The following DNM2 variants were observed in gnomAD, a reference collection of about 807,000 sequenced individuals.
DNM2 encodes the protein dynamin-2.
DNM2 carries 15 observed loss-of-function variants against 99.0 expected under a neutral mutation model. The observed-to-expected ratio is 0.15, with a 90% CI of 0.10 to 0.23. The LOEUF is 0.23. Among genes scored for constraint, DNM2 ranks in the 10% least tolerant of loss-of-function variants. The pLI, the probability that DNM2 is intolerant of heterozygous loss-of-function variation, is 1.00. For missense variants in DNM2, 742 were observed against 1,189.4 expected (o/e 0.62, Z 5.53); for synonymous variants, 525 against 481.2 (o/e 1.09, Z -1.19).
chr19:10,762,269 C>G (rs1192906278), intron 2 of DNM2, among the ~76,000 whole-genome samples: 1 of 152,082 alleles, frequency 6.6e-6, no homozygotes, highest in East Asian at 1.9e-4. Context: ...AACTCCTGAG[C>G]TCAAATGATC....
At chr19:10,718,822 C>A (rs1355054138) in intron 1 of DNM2, among the ~76,000 whole-genome samples, 1 of 152,112 alleles carries the variant, frequency 6.6e-6, no homozygotes, top group Non-Finnish European at 1.5e-5. Context: ...CTGGCTTGTT[C>A]TTGTATCTGG....
intron 11 of DNM2, among the ~76,000 whole-genome samples, chr19:10,800,221 G>C (rs1437426183): frequency 6.6e-6 from 1 of 152,150 alleles, no homozygotes; most frequent in Non-Finnish European, 1.5e-5. Context: ...GTTGAAACCA[G>C]AGCTTAATTA....
chr19:10,777,350 C>A (rs2145930109), intron 5 of DNM2, 134 bp downstream of exon 5: 1 of 841,848 alleles, frequency 1.2e-6, no homozygotes, highest in South Asian at 1.5e-5. Context: ...CTTTCTTTTC[C>A]CTTTGAGCTA....
intron 2 of DNM2, among the ~76,000 whole-genome samples, chr19:10,762,654 G>A (rs2070673070): frequency 1.3e-5 from 2 of 152,218 alleles, no homozygotes; most frequent in South Asian, 4.2e-4. Flanking sequence ...ATGGGTTCCT[G>A]ATGTCTGTCC....
chr19:10,757,635 G>T (rs945773527), intron 1 of DNM2, among the ~76,000 whole-genome samples: 3 of 152,086 alleles, frequency 2.0e-5, no homozygotes, highest in African/African-American at 4.8e-5. Context: ...ACATCTAGGT[G>T]CAAAACCTGT....
At chr19:10,748,457 C>A (rs1412620406) in intron 1 of DNM2, among the ~76,000 whole-genome samples, 2 of 152,154 alleles carry the variant, frequency 1.3e-5, no homozygotes, top group Non-Finnish European at 1.5e-5. Context: ...GATGCAGTGG[C>A]ACCTACCTGC....
In DNM2 at chr19:10,796,048, T is replaced by G; in HGVS notation, c.1196+609T>G. 6.2e-7 allele frequency: 1 copy of G among 1,613,192 alleles called. No individual in the cohort carries two copies. The highest frequency in any genetic ancestry group is 8.5e-7 in the Non-Finnish European group (1 of 1,180,026). ...GACTTATCTCCCCTGCCCCCGGGTC[T>G]GGACGGTTTCAGGACCGGGCTTTTC... On this transcript the variant is annotated intron_variant, in intron 9 of 20. Transcript: ENST00000389253. This position sits in a 1 kb window ranked among gnomAD's most constrained non-coding sequence, Gnocchi z 5.6.
intron 17 of DNM2, chr19:10,824,849 G>T: frequency 1.5e-6 from 1 of 689,472 alleles, no homozygotes; most frequent in South Asian, 1.8e-5. Flanking sequence ...ATGCCCAGGT[G>T]AGGGGATCCA....
At chr19:10,736,196 T>C (rs1599443599) in intron 1 of DNM2, among the ~76,000 whole-genome samples, 1 of 144,674 alleles carries the variant, frequency 6.9e-6, no homozygotes, top group Admixed American at 7.2e-5. Flanking sequence ...ACACGGGAGG[T>C]GGAGGTTGCA....
Position 10,783,702 on chromosome 19 carries a change from A to ATT in DNM2, c.849+583_849+584dup, listed in dbSNP as rs1335201078. ...TATTATTATTATTATTATTATTATT[A>ATT]TTATTTTTTATTTTTGGAGACACAG... On this transcript the variant is annotated intron_variant, in intron 6 of 20. Transcript: ENST00000389253. 5.3e-3 allele frequency among the ~76,000 whole-genome samples: 756 copies of ATT among 142,524 alleles called. 9 individuals carry two copies. The highest frequency in any genetic ancestry group is 0.015 in the East Asian group (75 of 5,042). The allele number at this position is 142,524 out of a possible 152,430, so 93.5% of individuals were successfully genotyped here. A position where few individuals can be genotyped will look rare whatever the true frequency, so the allele number is the denominator to read the frequency against.
chr19:10,758,600 G>A (rs1297793076), intron 1 of DNM2, among the ~76,000 whole-genome samples: 19 of 137,524 alleles, frequency 1.4e-4, no homozygotes, highest in African/African-American at 4.8e-4. Flanking sequence ...AGGCTGGAGT[G>A]CAGTGGCACG....
intron 12 of DNM2, chr19:10,802,703 C>T (rs2072196364): frequency 2.6e-6 from 1 of 383,670 alleles, no homozygotes; most frequent in Admixed American, 3.6e-5. Context: ...TGCAGCTTTT[C>T]CCAGACTCTG....
intron 2 of DNM2, among the ~76,000 whole-genome samples, chr19:10,766,092 C>T (rs1192427998): frequency 6.6e-6 from 1 of 152,134 alleles, no homozygotes; most frequent in South Asian, 2.1e-4. Context: ...AGCTGGGTGT[C>T]GCTAGGCTGT....
At position 10,816,516 on chromosome 19, in the gene DNM2, A is replaced by G. The variant is rs1186739458; in HGVS notation, c.1672-3464A>G. On this transcript the variant is annotated intron_variant, in intron 15 of 20. Transcript: ENST00000389253. This position sits in a 1 kb window ranked among gnomAD's most constrained non-coding sequence, Gnocchi z 4.6. ...TGGTCTGCAGCCTTCTCCCCGCCTC[A>G]GGCACCTCTAGGAACTCACGTGTCC... Among the ~76,000 whole-genome samples the G allele has an allele frequency of 6.6e-6, 1 of 152,104 alleles. No homozygotes were observed. The highest frequency in any genetic ancestry group is 1.5e-5 in the Non-Finnish European group (1 of 68,016).
intron 1 of DNM2, among the ~76,000 whole-genome samples, chr19:10,747,791 G>A (rs1052630512): frequency 1.4e-4 from 22 of 152,158 alleles, no homozygotes; most frequent in Admixed American, 2.0e-4. Flanking sequence ...TCAGGAACCC[G>A]GAAGATGCCA....
chr19:10,752,378 C>T (rs1027613830), intron 1 of DNM2, among the ~76,000 whole-genome samples: 9 of 152,204 alleles, frequency 5.9e-5, no homozygotes, highest in African/African-American at 1.9e-4. Context: ...TTCTCTTGGG[C>T]GTCACTCCCG....
intron 13 of DNM2, among the ~76,000 whole-genome samples, chr19:10,807,243 T>A (rs1269212901): frequency 6.6e-6 from 1 of 151,928 alleles, no homozygotes; most frequent in African/African-American, 2.4e-5. Context: ...AGGCTAATTT[T>A]TTTTTATTTT....
At chr19:10,825,664 G>T (rs944467086) in intron 18 of DNM2, among the ~76,000 whole-genome samples, 1 of 149,544 alleles carries the variant, frequency 6.7e-6, no homozygotes, top group African/African-American at 2.5e-5. Context: ...GTGAGACTCC[G>T]TCTCAAGAAA....
rs2071974714 is a variant in DNM2, at chr19:10,797,383, G to A, written c.1200G>A (p.Thr400=). Residue 400 remains threonine, a synonymous_variant, in exon 10 of 21, where the codon ACG becomes ACA. Coordinates refer to ENST00000389253, the MANE Select transcript of DNM2 (RefSeq NM_001005361.3). ...TCCTGCCCTCCGCATGACCCAGGAC[G>A]GGGCTCTTCACCCCCGACATGGCCT... ...YAIKNIHGVR[T]GLFTPDMAFE... 1.2e-6 allele frequency: 2 copies of A among 1,612,564 alleles called. No individual in the cohort carries two copies. Among genetic ancestry groups the A allele is most frequent in the Non-Finnish European group, 1.7e-6 (2 of 1,179,948 alleles).
Sources: allele counts gnomAD v4.1 joint callset (sites outside exome capture counted in the v4.1 genomes callset), GRCh38; gene constraint gnomAD v4.1.1; non-coding constraint Gnocchi (gnomAD v3.1); transcripts MANE v1.5; gene names NCBI Gene and HGNC (gene_info 2026-07-23, HGNC 2026-07-21).